Variants in CFAP52 observed in about 807,000 individuals in gnomAD.
The protein encoded by CFAP52 is cilia and flagella associated protein 52.
CFAP52 carries 57 observed loss-of-function variants against 70.5 expected under a neutral mutation model. That is an observed-to-expected ratio of 0.81 (90% CI 0.65 to 1.01). The LOEUF (loss-of-function observed/expected upper bound fraction) is 1.01. CFAP52 is among the 50% of genes least tolerant of loss of function. CFAP52 has a pLI of 0.00. For missense variants in CFAP52, 785 were observed against 788.5 expected, an observed-to-expected ratio of 1.00 and a Z score of 0.05; for synonymous variants, 267 against 292.5, an observed-to-expected ratio of 0.91 and a Z score of 0.89.
intron 3 of CFAP52, among the ~76,000 whole-genome samples, chr17:9,591,189 C>T (rs909544425): frequency 6.8e-6 from 1 of 147,890 alleles, no homozygotes; most frequent in Admixed American, 6.9e-5. Context: ...AGGCATGCAC[C>T]ACCATGCCTG....
intron 11 of CFAP52, among the ~76,000 whole-genome samples, chr17:9,636,562 A>C (rs534324658): frequency 6.6e-6 from 1 of 152,084 alleles, no homozygotes; most frequent in Non-Finnish European, 1.5e-5. Context: ...TTAGAATCGG[A>C]TGCCATTCCT....
At chr17:9,625,213 A>T (rs1008269191) in intron 8 of CFAP52, among the ~76,000 whole-genome samples, 4 of 151,814 alleles carry the variant, frequency 2.6e-5, no homozygotes, top group African/African-American at 9.7e-5. Context: ...TAAAAAAAAA[A>T]CACAGTAGAA....
chr17:9,635,667 G>A (rs772160639), intron 11 of CFAP52, 111 bp downstream of exon 11: 3 of 1,393,426 alleles, frequency 2.2e-6, no homozygotes, highest in Non-Finnish European at 3.0e-6. Flanking sequence ...CTTATTTAAG[G>A]CAACACAGTA....
intron 4 of CFAP52, among the ~76,000 whole-genome samples, chr17:9,597,911 G>A (rs933814703): frequency 1.3e-5 from 2 of 152,120 alleles, no homozygotes; most frequent in African/African-American, 4.8e-5. Context: ...AATAAGCTCT[G>A]ATTTGCTCTG....
At chr17:9,584,188 T>G in intron 1 of CFAP52, 1 of 1,220,864 alleles carries the variant, frequency 8.2e-7, no homozygotes, top group African/African-American at 1.6e-5. Flanking sequence ...GAAGGTCCTG[T>G]TCTCCTGAAA....
At chr17:9,628,927 C>T in intron 9 of CFAP52, 107 bp downstream of exon 9, 1 of 1,492,676 alleles carries the variant, frequency 6.7e-7, no homozygotes, top group South Asian at 1.3e-5. Flanking sequence ...AGAACAGCCT[C>T]CCACTGTCCA....
At chr17:9,628,930 A>G (rs1312442452) in intron 9 of CFAP52, 110 bp downstream of exon 9, 1 of 1,472,032 alleles carries the variant, frequency 6.8e-7, no homozygotes, top group African/African-American at 1.4e-5. Flanking sequence ...ACAGCCTCCC[A>G]CTGTCCACCC....
At chr17:9,590,233 C>A in intron 3 of CFAP52, 1 of 184,782 alleles carries the variant, frequency 5.4e-6, no homozygotes. Flanking sequence ...CAAAGGGCTA[C>A]ACCCTTTGGC....
intron 1 of CFAP52, among the ~76,000 whole-genome samples, chr17:9,578,792 C>T (rs1291634545): frequency 2.0e-5 from 3 of 152,174 alleles, no homozygotes; most frequent in South Asian, 2.1e-4. Context: ...GTGATCCACC[C>T]GCCTTGGCCT....
chr17:9,639,106 T>A (rs987009024), intron 12 of CFAP52: 4 of 194,080 alleles, frequency 2.1e-5, no homozygotes, highest in Non-Finnish European at 4.3e-5. Flanking sequence ...TCCTCATCTC[T>A]CAGCACTGTA....
At chr17:9,579,376 G>A (rs1235977339) in intron 1 of CFAP52, among the ~76,000 whole-genome samples, 2 of 152,110 alleles carry the variant, frequency 1.3e-5, no homozygotes. Flanking sequence ...TTGCAGAACG[G>A]CAAATAGCTT....
intron 2 of CFAP52, 130 bp from the exon 3 acceptor site, chr17:9,586,568 C>CAAAAAAAAAA (rs11296135): frequency 5.6e-6 from 5 of 894,804 alleles, no homozygotes; most frequent in East Asian, 3.5e-5. Flanking sequence ...TCCGTCTCAA[C>CAAAAAAAAAA]AAAAAAAAAA....
At chr17:9,624,108 T>G (rs1317065148) in intron 8 of CFAP52, among the ~76,000 whole-genome samples, 2 of 152,194 alleles carry the variant, frequency 1.3e-5, no homozygotes, top group African/African-American at 2.4e-5. Flanking sequence ...ATTTCAATAT[T>G]TTTTCTTTGC....
At chr17:9,584,151 G>T in intron 1 of CFAP52, 1 of 1,188,350 alleles carries the variant, frequency 8.4e-7, no homozygotes, top group South Asian at 1.6e-5. Context: ...AGAGTTGTTG[G>T]TCATTGTATT....
At chr17:9,586,635 T>A in intron 2 of CFAP52, 63 bp from the exon 3 acceptor site, 2 of 1,486,322 alleles carry the variant, frequency 1.3e-6, no homozygotes, top group Non-Finnish European at 1.8e-6. Flanking sequence ...CCAAGAAGGG[T>A]AGCTATCTCC....
In CFAP52 at chr17:9,612,486, A is replaced by G; in HGVS notation, c.1025+7A>G. Reference sequence around the variant, plus strand: ...AGGATATTGTCTTTCCATTGTGAGTAGAAGAGAAAAACAAGAATGTGGAGA... The same window carrying G: ...AGGATATTGTCTTTCCATTGTGAGTGGAAGAGAAAAACAAGAATGTGGAGA... On this transcript the variant is annotated splice_region_variant and intron_variant, in intron 8 of 13. Coordinates refer to ENST00000352665, the MANE Select transcript of CFAP52 (RefSeq NM_145054.5). 2 of 1,610,288 alleles carry G rather than the reference A, an allele frequency of 1.2e-6. No homozygotes were observed. The highest frequency in any genetic ancestry group is 1.7e-6 in the Non-Finnish European group (2 of 1,177,578).
chr17:9,640,514 C>T (rs964640349), intron 12 of CFAP52, among the ~76,000 whole-genome samples: 37 of 151,678 alleles, frequency 2.4e-4, no homozygotes, highest in African/African-American at 8.0e-4. Flanking sequence ...TCTGTTCCTG[C>T]GTTAGTTTGC....
chr17:9,641,971 A>G, intron 13 of CFAP52, 136 bp downstream of exon 13: 2 of 618,986 alleles, frequency 3.2e-6, no homozygotes, highest in East Asian at 5.7e-5. Flanking sequence ...ATTCCAACCA[A>G]TACTGCAGCC....
chr17:9,616,291 C>T (rs1409014068), intron 8 of CFAP52, among the ~76,000 whole-genome samples: 1 of 135,534 alleles, frequency 7.4e-6, no homozygotes, highest in East Asian at 2.2e-4. Context: ...CTTTTCAGAC[C>T]GGCTTAAGAA....
Sources: allele counts gnomAD v4.1 joint callset (sites outside exome capture counted in the v4.1 genomes callset), GRCh38; gene constraint gnomAD v4.1.1; transcripts MANE v1.5; gene names NCBI Gene and HGNC (gene_info 2026-07-23, HGNC 2026-07-21).